Variants in KIAA1217 observed in about 807,000 individuals in gnomAD.
KIAA1217 encodes the protein KIAA1217, also known as sickle tail protein homolog.
Under a neutral mutation model 163.9 loss-of-function variants are expected in KIAA1217, and 88 were observed. The observed-to-expected ratio is 0.54, with a 90% CI of 0.45 to 0.64. The LOEUF is 0.64. KIAA1217 is among the 30% of genes least tolerant of loss of function. The pLI is 0.00. For synonymous variants in KIAA1217, 903 were observed against 923.1 expected, an observed-to-expected ratio of 0.98 and a Z score of 0.39; for missense variants, 2,372 against 2,475.0, an observed-to-expected ratio of 0.96 and a Z score of 0.88.
chr10:24,028,310 A>G (rs1330906319), intron 2 of KIAA1217, among the ~76,000 whole-genome samples: 1 of 152,138 alleles, frequency 6.6e-6, no homozygotes, highest in Non-Finnish European at 1.5e-5. Context: ...AGAATGTAAT[A>G]TATTCATTCA....
chr10:24,250,960 C>T (rs1210230972), intron 2 of KIAA1217, among the ~76,000 whole-genome samples: 2 of 151,780 alleles, frequency 1.3e-5, no homozygotes, highest in African/African-American at 4.8e-5. Context: ...GGTGCTATGG[C>T]TCACACCTGT....
At chr10:24,393,459 G>A (rs1198046206) in intron 3 of KIAA1217, among the ~76,000 whole-genome samples, 1 of 152,104 alleles carries the variant, frequency 6.6e-6, no homozygotes, top group African/African-American at 2.4e-5. Flanking sequence ...ATGCAGGACA[G>A]CAGGCGAGAG....
chr10:23,742,084 C>T (rs764517440), intron 1 of KIAA1217, among the ~76,000 whole-genome samples: 1 of 152,172 alleles, frequency 6.6e-6, no homozygotes, highest in Non-Finnish European at 1.5e-5. Context: ...AGCAATGGGA[C>T]TTGGACTGAG....
chr10:24,279,304 A>C (rs1025233681), intron 2 of KIAA1217, among the ~76,000 whole-genome samples: 20 of 151,484 alleles, frequency 1.3e-4, no homozygotes, highest in African/African-American at 4.8e-4. Flanking sequence ...AAAGATCTGC[A>C]GAGGCTATTG....
intron 2 of KIAA1217, among the ~76,000 whole-genome samples, chr10:24,200,109 A>G (rs1328009955): frequency 6.6e-6 from 1 of 151,760 alleles, no homozygotes; most frequent in Non-Finnish European, 1.5e-5. Flanking sequence ...TCCTGCTGCT[A>G]CGCGGTCTGC....
intron 1 of KIAA1217, among the ~76,000 whole-genome samples, chr10:23,856,620 C>T (rs1399773159): frequency 1.3e-5 from 2 of 152,256 alleles, no homozygotes; most frequent in East Asian, 3.9e-4. Context: ...GAGGTGGAGC[C>T]TACAGAGGCA....
intron 5 of KIAA1217, among the ~76,000 whole-genome samples, chr10:24,448,907 A>T (rs752375342): frequency 2.0e-5 from 3 of 152,228 alleles, no homozygotes; most frequent in Non-Finnish European, 2.9e-5. Context: ...GACAATAATC[A>T]ATTAACTCAA....
At chr10:24,448,248 G>GT (rs199501780) in intron 5 of KIAA1217, among the ~76,000 whole-genome samples, 19 of 151,746 alleles carry the variant, frequency 1.3e-4, no homozygotes, top group African/African-American at 4.3e-4. Context: ...TTTTTGCGTG[G>GT]GGGGGGCTGG....
rs1368085798 is a variant in KIAA1217, at chr10:24,280,587, G to A, written c.354+60678G>A. Among the ~76,000 whole-genome samples, 101 of 152,174 alleles carry A rather than the reference G, an allele frequency of 6.6e-4. 2 individuals carry two copies. Among genetic ancestry groups the A allele is most frequent in the African/African-American group, 2.3e-3 (95 of 41,536 alleles). On this transcript the variant is annotated intron_variant, in intron 2 of 20. Coordinates refer to ENST00000376454, the MANE Select transcript of KIAA1217 (RefSeq NM_019590.5). ...AGCACTTTGGGAGGCGGAGGCGGGT[G>A]GATTGCGAGGTCAGGAGATCGAGAC...
At chr10:23,983,328 A>G (rs935054263) in intron 1 of KIAA1217, among the ~76,000 whole-genome samples, 9 of 152,174 alleles carry the variant, frequency 5.9e-5, no homozygotes, top group South Asian at 2.1e-4. Flanking sequence ...CTTAGACTTG[A>G]AACTGGGTAA....
At chr10:24,315,645 C>T (rs572229202) in intron 2 of KIAA1217, among the ~76,000 whole-genome samples, 22 of 152,130 alleles carry the variant, frequency 1.4e-4, no homozygotes, top group African/African-American at 5.1e-4. Context: ...CTTTGGGAGG[C>T]TGAGGCAAGA....
intron 2 of KIAA1217, among the ~76,000 whole-genome samples, chr10:24,184,719 A>G (rs1180897409): frequency 6.6e-6 from 1 of 152,214 alleles, no homozygotes; most frequent in Non-Finnish European, 1.5e-5. Flanking sequence ...AGCTGGCTGC[A>G]ATACTGGCAG....
intron 6 of KIAA1217, among the ~76,000 whole-genome samples, chr10:24,485,343 C>T (rs2065256149): frequency 6.6e-6 from 1 of 152,278 alleles, no homozygotes; most frequent in Non-Finnish European, 1.5e-5. Context: ...AAGAACTCAA[C>T]TCCATGTTCC....
intron 2 of KIAA1217, chr10:24,255,360 G>T: frequency 3.2e-6 from 1 of 314,354 alleles, no homozygotes; most frequent in Admixed American, 4.3e-5. Flanking sequence ...GACTGTCAGG[G>T]GTGCGTCAGG....
intron 1 of KIAA1217, among the ~76,000 whole-genome samples, chr10:23,789,988 T>C (rs142414122): frequency 0.062 from 5,875 of 95,056 alleles, 1,018 homozygotes; most frequent in African/African-American, 0.074. Context: ...TATACACATA[T>C]ACATATACAC....
intron 1 of KIAA1217, among the ~76,000 whole-genome samples, chr10:23,860,867 T>A (rs1312303749): frequency 6.6e-6 from 1 of 151,970 alleles, no homozygotes; most frequent in East Asian, 1.9e-4. Context: ...TTTTCTCATC[T>A]TTTCTCCTCT....
chr10:24,133,820 A>G (rs2063741016), intron 2 of KIAA1217, among the ~76,000 whole-genome samples: 2 of 152,242 alleles, frequency 1.3e-5, no homozygotes, highest in African/African-American at 4.8e-5. Context: ...CTGGACATCC[A>G]TCCTAATTTC....
rs369893032 is a variant in KIAA1217 at position 24,055,431 on chromosome 10, C to A, written c.-171+48057C>A. On this transcript the variant is annotated intron_variant, in intron 2 of 18. Coordinates refer to the KIAA1217 transcript ENST00000376462. Reference sequence around the variant, plus strand: ...TGTTTAATTTATAGCTTCAAGTATCCACAAATATTTCTCACACATTGCTAA... The same window carrying A: ...TGTTTAATTTATAGCTTCAAGTATCAACAAATATTTCTCACACATTGCTAA... 5.9e-5 allele frequency among the ~76,000 whole-genome samples: 9 copies of A among 152,060 alleles called. No individual in the cohort carries two copies. In the East Asian group the frequency reaches 1.4e-3, roughly 23 times the overall value.
chr10:24,403,048 A>G (rs181091609), intron 3 of KIAA1217, among the ~76,000 whole-genome samples: 1 of 152,316 alleles, frequency 6.6e-6, no homozygotes, highest in Admixed American at 6.5e-5. Flanking sequence ...CACACTTAAT[A>G]CAAAAAAAAC....
Sources: gnomAD v4.1 joint callset for allele counts (sites outside exome capture counted in the v4.1 genomes callset) on GRCh38, gnomAD v4.1.1 for gene constraint, MANE v1.5 for transcripts, NCBI Gene and HGNC (gene_info 2026-07-23, HGNC 2026-07-21) for gene names.